AHCY: variants seen among roughly 807,000 people sequenced by gnomAD.
AHCY encodes adenosylhomocysteinase.
Under a neutral mutation model 45.4 loss-of-function variants are expected in AHCY, and 24 were observed. The observed-to-expected ratio is 0.53, with a 90% CI of 0.38 to 0.74. The LOEUF is 0.74. Among genes scored for constraint, AHCY ranks in the 30% least tolerant of loss-of-function variants. AHCY has a pLI of 0.00. For missense variants in AHCY, 449 were observed against 594.1 expected (o/e 0.76, Z 2.54); for synonymous variants, 245 against 235.1 (o/e 1.04, Z -0.39).
the AHCY span, among the ~76,000 whole-genome samples, chr20:34,238,469 T>C: frequency 2.0e-5 from 3 of 152,198 alleles, no homozygotes; most frequent in Non-Finnish European, 4.4e-5. Flanking sequence ...TTTTGGTTAT[T>C]GTACTAATCA....
intron 1 of AHCY, chr20:34,301,645 C>G (rs371381471): frequency 3.9e-6 from 1 of 255,472 alleles, no homozygotes. Context: ...ATCCCCAAAT[C>G]CAGCTTTATC....
rs867811548 is a variant in AHCY at position 34,302,908 on chromosome 20, C to A, written c.28+335G>T. On this transcript the variant is annotated intron_variant, in intron 1 of 9. Transcript: ENST00000217426. ...CCAGGCCTAGGAGGCCGGGCGCAGG[C>A]CCCCCGAGCAGGGTCCGGCAGGTGC... 3.5e-4 allele frequency: 347 copies of A among 985,446 alleles called. No individual in the cohort carries two copies. The African/African-American group carries it at 5.6e-3, about 16-fold the overall frequency. 61.0% of individuals were successfully genotyped at this position (985,446 alleles called of 1,614,324 possible). A position where few individuals can be genotyped will look rare whatever the true frequency, so the allele number is the denominator to read the frequency against.
chr20:34,278,513 C>T (rs2035930646), downstream of AHCY, among the ~76,000 whole-genome samples: 1 of 152,132 alleles, frequency 6.6e-6, no homozygotes, highest in African/African-American at 2.4e-5. Flanking sequence ...CCAGCAGCCA[C>T]CCCAGTAGAA....
At chr20:34,255,112 G>A in the AHCY span, among the ~76,000 whole-genome samples, 1 of 152,118 alleles carries the variant, frequency 6.6e-6, no homozygotes, top group Non-Finnish European at 1.5e-5. Context: ...AACTGAGCTT[G>A]TACCTACATT....
chr20:34,293,961 G>T, intron 3 of AHCY, 120 bp downstream of exon 3: 1 of 999,278 alleles, frequency 1.0e-6, no homozygotes, highest in Non-Finnish European at 1.6e-6. Flanking sequence ...CTAGGATTTT[G>T]TGGCGGTGAC....
At chr20:34,298,402 G>A (rs1232572391) in intron 1 of AHCY, among the ~76,000 whole-genome samples, 1 of 152,034 alleles carries the variant, frequency 6.6e-6, no homozygotes, top group Admixed American at 6.6e-5. Context: ...GATAGGAGCT[G>A]AGGGGACATA....
rs369891710 is a variant in AHCY at position 34,290,318 on chromosome 20, C to T, written c.972+14G>A. On this transcript the variant is annotated intron_variant, in intron 8 of 9. Transcript: ENST00000217426. This position sits in a 1 kb window ranked among gnomAD's most constrained non-coding sequence, Gnocchi z 4.5. ...CCATCTGCCCAGCCCACTGGCAAGG[C>T]GGGAGCTTCTCACCTGCGGCTTGAT... 1.2e-5 allele frequency: 19 copies of T among 1,612,688 alleles called. No individual in the cohort carries two copies. The highest frequency in any genetic ancestry group is 8.8e-5 in the South Asian group (8 of 91,076).
the AHCY span, chr20:34,260,675 G>T: frequency 1.4e-5 from 14 of 1,027,008 alleles, no homozygotes; most frequent in Non-Finnish European, 1.8e-5. Context: ...GGGAGAATAA[G>T]GTGGCCCTTG....
the AHCY span, among the ~76,000 whole-genome samples, chr20:34,255,397 T>C: frequency 1.3e-5 from 2 of 151,874 alleles, no homozygotes; most frequent in African/African-American, 4.8e-5. Flanking sequence ...GTTCAAGCAA[T>C]CCTCCCTCCC....
intron 2 of AHCY, 56 bp from the exon 3 acceptor site, chr20:34,294,212 G>C: frequency 6.5e-7 from 1 of 1,527,312 alleles, no homozygotes; most frequent in Non-Finnish European, 9.0e-7. Context: ...AAGCACCAGG[G>C]ACGCTGGGCG....
At chr20:34,265,359 C>T in the AHCY span, among the ~76,000 whole-genome samples, 2 of 151,840 alleles carry the variant, frequency 1.3e-5, no homozygotes, top group African/African-American at 2.4e-5. Context: ...CTCATCTCTA[C>T]AAAAAATTTA....
intron 1 of AHCY, chr20:34,302,678 A>C (rs1411945809): frequency 3.0e-6 from 3 of 986,588 alleles, no homozygotes; most frequent in Non-Finnish European, 3.6e-6. Flanking sequence ...AGATTTCTGC[A>C]AGGCTGCCCC....
chr20:34,263,973 CT>C, the AHCY span, among the ~76,000 whole-genome samples: 2 of 151,672 alleles, frequency 1.3e-5, no homozygotes, highest in Non-Finnish European at 2.9e-5. Flanking sequence ...GCCCAGCTGA[CT>C]TTTTAAATTG....
upstream of AHCY, among the ~76,000 whole-genome samples, chr20:34,305,000 T>C (rs142461542): frequency 8.7e-3 from 1,310 of 150,910 alleles, 20 homozygotes; most frequent in African/African-American, 0.03. Flanking sequence ...TACTCATTTT[T>C]TAACCTAAAA....
chr20:34,269,149 G>A, the AHCY span: 5 of 1,546,268 alleles, frequency 3.2e-6, no homozygotes, highest in Non-Finnish European at 4.4e-6. Context: ...CCTGCCGCGT[G>A]CTCAGCCTCA....
the AHCY span, among the ~76,000 whole-genome samples, chr20:34,266,845 C>G: frequency 1.3e-5 from 2 of 152,138 alleles, no homozygotes; most frequent in African/African-American, 4.8e-5. Context: ...AAAATCATAC[C>G]ACCATTAACA....
chr20:34,260,597 C>T, the AHCY span: 5 of 1,501,332 alleles, frequency 3.3e-6, no homozygotes, highest in African/African-American at 5.5e-5. Context: ...AAGCATGCTT[C>T]CCAGGGTGCT....
chr20:34,293,875 C>G, intron 3 of AHCY: 2 of 647,136 alleles, frequency 3.1e-6, no homozygotes, highest in Admixed American at 2.2e-5. Context: ...ACGGCTTGAC[C>G]TGGGTCAATA....
chr20:34,242,587 AAAAC>A, the AHCY span, among the ~76,000 whole-genome samples: 21 of 152,228 alleles, frequency 1.4e-4, no homozygotes, highest in South Asian at 2.1e-4. Context: ...ACCCACTCAA[AAAAC>A]AAACAAACAA....
Sources: allele counts gnomAD v4.1 joint callset (sites outside exome capture counted in the v4.1 genomes callset), GRCh38; gene constraint gnomAD v4.1.1; non-coding constraint Gnocchi (gnomAD v3.1); transcripts MANE v1.5; gene names NCBI Gene and HGNC (gene_info 2026-07-23, HGNC 2026-07-21).